The following DNAAF8 variants were observed in gnomAD, a reference collection of about 807,000 sequenced individuals.
The protein encoded by DNAAF8 is dynein axonemal-associated protein 1.
DNAAF8 carries 61 observed loss-of-function variants against 54.6 expected under a neutral mutation model. That is an observed-to-expected ratio of 1.12 (90% CI 0.91 to 1.38). DNAAF8 has a LOEUF of 1.38. DNAAF8 is among the 40% of genes most tolerant of loss of function. The probability of loss-of-function intolerance (pLI) is 0.00; values close to 1 mark genes in which losing one functional copy is unlikely to be tolerated. For missense variants in DNAAF8, 837 were observed against 665.0 expected, an observed-to-expected ratio of 1.26 and a Z score of -2.85; for synonymous variants, 320 against 270.1, an observed-to-expected ratio of 1.18 and a Z score of -1.81.
Position 4,737,808 on chromosome 16 carries a change from T to C in DNAAF8, c.138T>C (p.Tyr46=), listed in dbSNP as rs2081915015. The C allele has an allele frequency of 3.7e-6, 6 of 1,614,184 alleles. No homozygotes were observed. The highest frequency in any genetic ancestry group is 5.1e-6 in the Non-Finnish European group (6 of 1,179,996). Residue 46 remains tyrosine, a synonymous_variant, in exon 3 of 10, where the codon TAT becomes TAC. Transcript: ENST00000299320. ...SLDSDSPLSD[Y]GEEELFIFQR... is the part of the protein sequence containing the mutation. Reference sequence around the variant, plus strand: ...CTCTCATTTGTCCACAGTCGGACTATGGGGAAGAGGAGCTGTTCATCTTCC... The same window carrying C: ...CTCTCATTTGTCCACAGTCGGACTACGGGGAAGAGGAGCTGTTCATCTTCC...
intron 8 of DNAAF8, 73 bp from the exon 9 acceptor site, chr16:4,747,270 C>T: frequency 1.3e-6 from 2 of 1,482,512 alleles, no homozygotes; most frequent in Non-Finnish European, 1.8e-6. Context: ...CTGCTTTTCT[C>T]CTGTTTCAGT....
At position 4,737,810 on chromosome 16, in the gene DNAAF8, G is replaced by A. The variant is rs757777580; in HGVS notation, c.140G>A (p.Gly47Glu). Reference protein sequence around the residue: ...LDSDSPLSDYGEEELFIFQRN... With the variant: ...LDSDSPLSDYEEEELFIFQRN... ...CTCATTTGTCCACAGTCGGACTATG[G>A]GGAAGAGGAGCTGTTCATCTTCCAG... The change falls in exon 3 of 10, where the codon GGG (glycine) becomes GAG (glutamate). Residue 47 changes from glycine (G) to glutamate (E), a missense_variant. By Grantham distance (98) the Gly-to-Glu change is moderately conservative. Transcript: ENST00000299320. 2.6e-5 allele frequency: 42 copies of A among 1,614,146 alleles called. No homozygotes were observed. The highest frequency in any genetic ancestry group is 3.4e-5 in the Non-Finnish European group (40 of 1,180,002).
At chr16:4,742,454 G>C (rs2081969171) in intron 4 of DNAAF8, among the ~76,000 whole-genome samples, 2 of 151,570 alleles carry the variant, frequency 1.3e-5, no homozygotes, top group South Asian at 4.2e-4. Context: ...ACTTTGGGAG[G>C]TGAAGGCGGA....
chr16:4,739,721 T>C (rs566118706), intron 3 of DNAAF8, among the ~76,000 whole-genome samples: 1 of 151,814 alleles, frequency 6.6e-6, no homozygotes, highest in African/African-American at 2.4e-5. Flanking sequence ...CATTTTTGTA[T>C]TTTTAGTAGA....
chr16:4,736,165 A>G (rs934388085), intron 1 of DNAAF8, among the ~76,000 whole-genome samples: 1 of 152,124 alleles, frequency 6.6e-6, no homozygotes, highest in African/African-American at 2.4e-5. Flanking sequence ...TCTATATAAC[A>G]TGTACATATA....
chr16:4,735,700 G>GT (rs1567490837), intron 1 of DNAAF8, among the ~76,000 whole-genome samples: 1 of 152,082 alleles, frequency 6.6e-6, no homozygotes, highest in Admixed American at 6.6e-5. Flanking sequence ...GCACATGCCT[G>GT]TAATCCCAGC....
chr16:4,745,746 T>A (rs1021663177), intron 6 of DNAAF8, among the ~76,000 whole-genome samples: 4 of 151,746 alleles, frequency 2.6e-5, no homozygotes, highest in Non-Finnish European at 5.9e-5. Context: ...ATGTCAGGAG[T>A]TCGAGACCAG....
At chr16:4,741,024 T>A (rs187212771) in intron 4 of DNAAF8, among the ~76,000 whole-genome samples, 2 of 145,852 alleles carry the variant, frequency 1.4e-5, no homozygotes, top group Admixed American at 6.9e-5. Context: ...AAAAAAGAAA[T>A]CATCCTGGCT....
intron 4 of DNAAF8, among the ~76,000 whole-genome samples, chr16:4,741,606 C>T (rs1242499747): frequency 6.6e-6 from 1 of 152,120 alleles, no homozygotes; most frequent in African/African-American, 2.4e-5. Context: ...TCGAGAGCAG[C>T]CTGGCCAACA....
intron 5 of DNAAF8, 77 bp from the exon 6 acceptor site, chr16:4,744,793 G>T: frequency 6.6e-7 from 1 of 1,507,686 alleles, no homozygotes; most frequent in Non-Finnish European, 9.1e-7. Context: ...GACCCCAGGG[G>T]TCCTGAGGCT....
At position 4,746,336 on chromosome 16, in the gene DNAAF8, A is replaced by G. The variant is rs368083343; in HGVS notation, c.1044-39A>G. ...CCAGCGCAGGTCACAGAGTTATCAC[A>G]GAGAACTGACTCCACAACACCTGCT... On this transcript the variant is annotated intron_variant, in intron 6 of 9. Coordinates refer to ENST00000299320, the MANE Select transcript of DNAAF8 (RefSeq NM_139170.3). 8.2e-6 allele frequency: 13 copies of G among 1,584,268 alleles called. No individual in the cohort carries two copies. In the African/African-American group the frequency reaches 1.5e-4, roughly 18 times the overall value.
chr16:4,743,019 A>C, intron 4 of DNAAF8, 24 bp from the exon 5 acceptor site: 1 of 1,559,504 alleles, frequency 6.4e-7, no homozygotes, highest in Non-Finnish European at 8.8e-7. Flanking sequence ...GCATCCTCAT[A>C]ATCACTGGTT....
At chr16:4,738,161 G>A (rs982410033) in intron 3 of DNAAF8, among the ~76,000 whole-genome samples, 3 of 151,960 alleles carry the variant, frequency 2.0e-5, no homozygotes, top group African/African-American at 4.8e-5. Context: ...TGGCATGCAC[G>A]CTTGATTTTC....
At position 4,740,532 on chromosome 16, in the gene DNAAF8, C is replaced by T. The variant is rs143096466; in HGVS notation, c.656C>T (p.Ala219Val). ...TDILQKVTRD[A>V]CGPTSSDKGG... ...ATCCTCCAGAAAGTCACCCGGGATGCCTGCGGCCCGACCAGCAGTGACAAA... is the reference window on the plus strand; with the variant it reads ...ATCCTCCAGAAAGTCACCCGGGATGTCTGCGGCCCGACCAGCAGTGACAAA... The change falls in exon 4 of 10, where the codon GCC becomes GTC. Residue 219 changes from alanine (A) to valine (V), a missense_variant. Physicochemically the swap from Ala to Val is moderately conservative, Grantham distance 64. Coordinates refer to ENST00000299320, the MANE Select transcript of DNAAF8 (RefSeq NM_139170.3). The T allele has an allele frequency of 1.2e-5, 20 of 1,614,064 alleles. No homozygotes were observed. In the African/African-American group the frequency reaches 2.0e-4, roughly 16 times the overall value.
At position 4,746,952 on chromosome 16, in the gene DNAAF8, G is replaced by C; in HGVS notation, c.1207G>C (p.Glu403Gln). 1 of 1,276,454 alleles carries C rather than the reference G, an allele frequency of 7.8e-7. No individual in the cohort carries two copies. Among genetic ancestry groups the C allele is most frequent in the Admixed American group, 2.9e-5 (1 of 35,076 alleles). 79.1% of individuals were successfully genotyped at this position (1,276,454 alleles called of 1,614,324 possible). ...CTCCAGCCACAGCTCCTCTGACAGT[G>C]AGGAGGAGGAGGAGGAAGAGATGGC... The part of the protein sequence containing the change: ...ESSSHSSSDS[E>Q]EEEEEEMAAL... The change falls in exon 8 of 10, where the codon GAG (glutamate) becomes CAG (glutamine). Residue 403 changes from glutamate to glutamine, a missense_variant. Glu to Gln is a conservative substitution (Grantham distance 29). Transcript: ENST00000299320.
chr16:4,744,361 A>G (rs2081986292), intron 5 of DNAAF8, among the ~76,000 whole-genome samples: 1 of 152,206 alleles, frequency 6.6e-6, no homozygotes, highest in African/African-American at 2.4e-5. Context: ...GTTGTTTAAA[A>G]ATCTGAAAAG....
chr16:4,737,657 C>T, intron 2 of DNAAF8, 143 bp from the exon 3 acceptor site: 1 of 1,053,172 alleles, frequency 9.5e-7, no homozygotes, highest in Non-Finnish European at 1.4e-6. Context: ...CCCCCAGGCT[C>T]CTGAGCAGCA....
chr16:4,736,312 G>C (rs571225754), intron 1 of DNAAF8, among the ~76,000 whole-genome samples, 152 bp from the exon 2 acceptor site: 1 of 151,958 alleles, frequency 6.6e-6, no homozygotes, highest in East Asian at 1.9e-4. Context: ...CACAGTGCCT[G>C]GCACTAACAG....
chr16:4,738,879 C>T (rs552565694), intron 3 of DNAAF8, among the ~76,000 whole-genome samples: 1 of 151,636 alleles, frequency 6.6e-6, no homozygotes, highest in African/African-American at 2.4e-5. Flanking sequence ...GAGTGAGACT[C>T]CATCTAAAAA....
Sources: gnomAD v4.1 joint callset for allele counts (sites outside exome capture counted in the v4.1 genomes callset) on GRCh38, gnomAD v4.1.1 for gene constraint, MANE v1.5 for transcripts, NCBI Gene and HGNC (gene_info 2026-07-23, HGNC 2026-07-21) for gene names.